The following MCM9 variants were observed in gnomAD, a reference collection of about 807,000 sequenced individuals.
MCM9 encodes the protein minichromosome maintenance 9 homologous recombination repair factor.
In MCM9, 55 loss-of-function variants were observed where a neutral mutation model predicts 72.8. The observed-to-expected ratio is 0.76, with a 90% CI of 0.61 to 0.95. The LOEUF (loss-of-function observed/expected upper bound fraction) is 0.95, where lower values mean the gene tolerates loss of function less well. Ranked by LOEUF, MCM9 falls within the 40% of genes least tolerant of loss-of-function variation. MCM9 has a pLI of 0.00. For missense variants in MCM9, 1,279 were observed against 1,377.0 expected (o/e 0.93, Z 1.13); for synonymous variants, 480 against 503.4 (o/e 0.95, Z 0.62).
At chr6:118,835,682 A>G (rs1774907327) in intron 9 of MCM9, among the ~76,000 whole-genome samples, 2 of 152,106 alleles carry the variant, frequency 1.3e-5, no homozygotes, top group Admixed American at 6.5e-5. Flanking sequence ...AATGCTTGTG[A>G]ATTTTTCATA....
At chr6:118,930,446 T>C (rs1328898042) in intron 3 of MCM9, among the ~76,000 whole-genome samples, 1 of 152,250 alleles carries the variant, frequency 6.6e-6, no homozygotes, top group African/African-American at 2.4e-5. Flanking sequence ...AGGGTATGTA[T>C]GTTCTCCAAC....
chr6:118,839,022 C>T (rs1775168482), intron 9 of MCM9, among the ~76,000 whole-genome samples: 1 of 152,098 alleles, frequency 6.6e-6, no homozygotes, highest in Admixed American at 6.5e-5. Flanking sequence ...GTGTGTTTTC[C>T]AACTTGGTTC....
At chr6:118,886,081 CATG>C (rs1778582152) in intron 8 of MCM9, among the ~76,000 whole-genome samples, 1 of 149,970 alleles carries the variant, frequency 6.7e-6, no homozygotes, top group Non-Finnish European at 1.5e-5. Context: ...AAAACAAAAA[CATG>C]ATCATCTCAA....
intron 8 of MCM9, among the ~76,000 whole-genome samples, chr6:118,890,240 A>G (rs1447863370): frequency 1.3e-5 from 2 of 152,194 alleles, no homozygotes; most frequent in African/African-American, 2.4e-5. Flanking sequence ...CCAGAAAATG[A>G]TACCAATCTA....
chr6:118,823,874 T>C (rs1026656262), intron 13 of MCM9, among the ~76,000 whole-genome samples: 8 of 151,796 alleles, frequency 5.3e-5, no homozygotes, highest in Non-Finnish European at 1.2e-4. Flanking sequence ...CTACATGTGA[T>C]TTTTTTGTTT....
chr6:118,863,623 T>C (rs921093754), intron 8 of MCM9, among the ~76,000 whole-genome samples: 2 of 152,210 alleles, frequency 1.3e-5, no homozygotes, highest in Non-Finnish European at 2.9e-5. Context: ...AATCCAACTA[T>C]GGTATTTGAG....
chr6:118,880,531 A>G (rs543570573), intron 8 of MCM9, among the ~76,000 whole-genome samples: 38 of 152,362 alleles, frequency 2.5e-4, no homozygotes, highest in African/African-American at 8.7e-4. Flanking sequence ...TCTGTGGCAA[A>G]GGTAATTAAA....
intron 5 of MCM9, 87 bp downstream of exon 5, chr6:118,921,918 T>C: frequency 1.0e-6 from 1 of 964,514 alleles, no homozygotes; most frequent in Non-Finnish European, 1.6e-6. Context: ...CCCTTGCCAG[T>C]GATCTTGGGA....
intron 8 of MCM9, among the ~76,000 whole-genome samples, chr6:118,904,986 C>T (rs1398140895): frequency 1.3e-5 from 2 of 152,086 alleles, no homozygotes; most frequent in Admixed American, 6.5e-5. Context: ...TACAGGCACC[C>T]GCCACCATGC....
chr6:118,909,132 A>C (rs1780363296), intron 8 of MCM9: 1 of 152,212 alleles, frequency 6.6e-6, no homozygotes, highest in Non-Finnish European at 1.5e-5. Context: ...AAAAATGTTA[A>C]AATATTAAAA....
intron 5 of MCM9, chr6:118,919,625 G>A (rs1781270691): frequency 6.6e-6 from 1 of 152,200 alleles, no homozygotes; most frequent in South Asian, 2.1e-4. Context: ...CAGAACAATT[G>A]TGAGGTATAC....
At chr6:118,903,300 C>CTT (rs1216590849) in intron 8 of MCM9, among the ~76,000 whole-genome samples, 1 of 151,772 alleles carries the variant, frequency 6.6e-6, no homozygotes, top group Non-Finnish European at 1.5e-5. Flanking sequence ...TGTGTAGAAT[C>CTT]TCTAAGACAA....
chr6:118,906,308 A>G (rs1780173588), intron 8 of MCM9, among the ~76,000 whole-genome samples: 1 of 152,144 alleles, frequency 6.6e-6, no homozygotes, highest in South Asian at 2.1e-4. Flanking sequence ...CCTGACCTCA[A>G]GTGATCTGCC....
At chr6:118,919,116 C>A (rs1223397601) in intron 5 of MCM9, 1 of 152,160 alleles carries the variant, frequency 6.6e-6, no homozygotes, top group East Asian at 1.9e-4. Flanking sequence ...GGACATGGAA[C>A]AATTCTCTAT....
At chr6:118,858,330 T>C (rs186962579) in intron 8 of MCM9, among the ~76,000 whole-genome samples, 2 of 152,218 alleles carry the variant, frequency 1.3e-5, no homozygotes, top group Admixed American at 6.5e-5. Flanking sequence ...GATAAAACTC[T>C]CAAAAAATTA....
chr6:118,913,599 C>G (rs547532880), intron 6 of MCM9, among the ~76,000 whole-genome samples, 179 bp from the exon 7 acceptor site: 3 of 152,152 alleles, frequency 2.0e-5, no homozygotes, highest in Admixed American at 1.3e-4. Context: ...TGTTTTGGTT[C>G]AAAATGTCCT....
intron 9 of MCM9, among the ~76,000 whole-genome samples, chr6:118,851,898 A>C (rs1472798360): frequency 6.6e-6 from 1 of 152,234 alleles, no homozygotes; most frequent in Non-Finnish European, 1.5e-5. Context: ...ATTAAGTCAA[A>C]ATACTCAAAG....
intron 8 of MCM9, among the ~76,000 whole-genome samples, chr6:118,901,947 TCTCTAGAG>T (rs1157127658): frequency 1.3e-5 from 2 of 152,144 alleles, no homozygotes; most frequent in East Asian, 3.9e-4. Context: ...ACACATGCCA[TCTCTAGAG>T]CTGCTACCTT....
intron 8 of MCM9, among the ~76,000 whole-genome samples, chr6:118,872,674 C>A (rs990775269): frequency 4.6e-5 from 7 of 151,324 alleles, no homozygotes; most frequent in Admixed American, 2.6e-4. Context: ...TAAAAAAAAA[C>A]ACACACACAA....
Sources: gnomAD v4.1 joint callset for allele counts (sites outside exome capture counted in the v4.1 genomes callset) on GRCh38, gnomAD v4.1.1 for gene constraint, MANE v1.5 for transcripts, NCBI Gene and HGNC (gene_info 2026-07-23, HGNC 2026-07-21) for gene names.